COP1: variants seen among roughly 807,000 people sequenced by gnomAD.
COP1 encodes the protein COP1 E3 ubiquitin ligase.
In COP1, 24 loss-of-function variants were observed where a neutral mutation model predicts 101.3. The observed-to-expected ratio is 0.24, with a 90% CI of 0.17 to 0.33. The LOEUF (loss-of-function observed/expected upper bound fraction) is 0.33. Ranked by LOEUF, COP1 falls within the 10% of genes least tolerant of loss-of-function variation. The pLI is 1.00. For missense variants in COP1, 663 were observed against 906.2 expected, an observed-to-expected ratio of 0.73 and a Z score of 3.45; for synonymous variants, 347 against 341.9, an observed-to-expected ratio of 1.01 and a Z score of -0.17.
Position 176,043,260 on chromosome 1 carries a change from T to C in COP1, c.1538A>G (p.Glu513Gly). The change falls in exon 14 of 20, where the codon GAG (glutamate) becomes GGG (glycine). Residue 513 changes from glutamate to glycine, a missense_variant. Around this residue, in one of 4 missense-constraint regions of COP1, gnomAD observed 209 missense variants for 383.3 expected, o/e 0.55. Coordinates refer to ENST00000367669, the MANE Select transcript of COP1 (RefSeq NM_022457.7). The part of the protein sequence containing the change: ...GQRSKVYQEH[E>G]KRCWSVDFNL... ...AAAGTCAACACTCCAACACCTCTTC[T>C]CATGCTCCTGGAAGCAGAAAGAAGA... 1 of 1,608,380 alleles carries C rather than the reference T, an allele frequency of 6.2e-7. No homozygotes were observed.
intron 11 of COP1, among the ~76,000 whole-genome samples, chr1:176,056,308 T>G (rs1176876648): frequency 6.6e-6 from 1 of 152,206 alleles, no homozygotes; most frequent in African/African-American, 2.4e-5. Flanking sequence ...ATTATGTTAT[T>G]TAGGGCTTCT....
chr1:175,949,594 T>C (rs116194675), intron 18 of COP1, among the ~76,000 whole-genome samples: 71 of 152,270 alleles, frequency 4.7e-4, no homozygotes, highest in African/African-American at 1.7e-3. Flanking sequence ...AGAAAAGCAG[T>C]TGAAAATCTC....
At chr1:176,171,506 C>T (rs1016928347) in intron 3 of COP1, among the ~76,000 whole-genome samples, 5 of 152,302 alleles carry the variant, frequency 3.3e-5, no homozygotes, top group Admixed American at 6.5e-5. Flanking sequence ...TCTTATCATT[C>T]GTGTCTTCAC....
chr1:176,043,369 G>A (rs1334263800), intron 13 of COP1, 102 bp from the exon 14 acceptor site: 3 of 696,016 alleles, frequency 4.3e-6, no homozygotes, highest in Non-Finnish European at 7.3e-6. Flanking sequence ...GTTACGGGGA[G>A]AGGGAAAGAC....
intron 11 of COP1, among the ~76,000 whole-genome samples, chr1:176,065,086 CTAATA>C (rs1675681767): frequency 1.3e-5 from 2 of 152,156 alleles, no homozygotes; most frequent in Non-Finnish European, 2.9e-5. Context: ...ACCCAATAAA[CTAATA>C]TGAGTTTTAG....
chr1:176,054,798 T>C (rs979975757), intron 11 of COP1, among the ~76,000 whole-genome samples: 1 of 152,154 alleles, frequency 6.6e-6, no homozygotes, highest in Non-Finnish European at 1.5e-5. Flanking sequence ...CAAAACAAAA[T>C]ACCTCTTATA....
intron 2 of COP1, among the ~76,000 whole-genome samples, chr1:176,183,373 A>G (rs1254290176): frequency 6.6e-6 from 1 of 152,192 alleles, no homozygotes; most frequent in Non-Finnish European, 1.5e-5. Flanking sequence ...GAATAGGTTT[A>G]AAAATAAGCA....
chr1:175,968,146 A>G (rs536978692), intron 18 of COP1, among the ~76,000 whole-genome samples: 86 of 152,356 alleles, frequency 5.6e-4, no homozygotes, highest in African/African-American at 1.9e-3. Flanking sequence ...CTGGGATTAC[A>G]GGTGTGAGCC....
intron 14 of COP1, among the ~76,000 whole-genome samples, chr1:176,036,039 CAAACAGAATTTT>C (rs1196475174): frequency 6.6e-6 from 1 of 151,806 alleles, no homozygotes; most frequent in African/African-American, 2.4e-5. Flanking sequence ...CAAGAGAAAT[CAAACAGAATTTT>C]AAACAGAATG....
In COP1 at chr1:176,054,829, A is replaced by G. The variant is rs147817274; in HGVS notation, c.1278-8505T>C. ...TTATATTCCTATATCTATTTTAGCT[A>G]CTATCCTATTGCTTTCCTAATACCA... On this transcript the variant is annotated intron_variant, in intron 11 of 19. Transcript: ENST00000367669. Among the ~76,000 whole-genome samples the G allele has an allele frequency of 2.6e-3, 398 of 152,276 alleles. 3 individuals carry two copies. The highest frequency in any genetic ancestry group is 9.1e-3 in the African/African-American group (380 of 41,546).
intron 1 of COP1, among the ~76,000 whole-genome samples, chr1:176,200,180 C>T (rs978293431): frequency 6.6e-6 from 1 of 152,092 alleles, no homozygotes; most frequent in Non-Finnish European, 1.5e-5. Context: ...GAAGATTAAA[C>T]AAGTAACGTA....
intron 9 of COP1, among the ~76,000 whole-genome samples, chr1:176,096,838 T>A (rs1373986627): frequency 6.6e-6 from 1 of 152,236 alleles, no homozygotes; most frequent in Non-Finnish European, 1.5e-5. Context: ...CAAACTTTGC[T>A]GCAGGCCTCC....
At chr1:176,119,979 G>C (rs1300787712) in intron 8 of COP1, among the ~76,000 whole-genome samples, 2 of 152,064 alleles carry the variant, frequency 1.3e-5, no homozygotes, top group South Asian at 2.1e-4. Context: ...AAGTCCCAGA[G>C]TCCACAAGAA....
intron 3 of COP1, among the ~76,000 whole-genome samples, chr1:176,165,883 G>C (rs569271880): frequency 4.6e-5 from 7 of 152,076 alleles, no homozygotes; most frequent in African/African-American, 1.4e-4. Context: ...AAAGGAGAGA[G>C]CATGAAATAA....
chr1:176,187,642 G>C (rs1698638166), intron 1 of COP1, among the ~76,000 whole-genome samples: 1 of 152,114 alleles, frequency 6.6e-6, no homozygotes, highest in Non-Finnish European at 1.5e-5. Flanking sequence ...TTGTGACTTT[G>C]AGCAAGTAGT....
intron 9 of COP1, among the ~76,000 whole-genome samples, chr1:176,093,325 A>T (rs893330622): frequency 6.6e-6 from 1 of 152,220 alleles, no homozygotes; most frequent in Non-Finnish European, 1.5e-5. Flanking sequence ...TCTAATTTAC[A>T]TATTAATGAA....
In COP1 at chr1:175,944,977, T is replaced by C. The variant is rs553133196; in HGVS notation, c.*176A>G. 14 of 588,888 alleles carry C rather than the reference T, an allele frequency of 2.4e-5. No homozygotes were observed. The highest frequency in any genetic ancestry group is 1.0e-4 in the African/African-American group (5 of 50,184). The allele number at this position is 588,888 out of a possible 1,614,324, so 36.5% of individuals were successfully genotyped here. ...TGGAGAGTTGGCTGGGTATTCCCAA[T>C]GTCCCAAAGGTCATAAAGGAGGGAA... On this transcript the variant is annotated 3_prime_UTR_variant, in exon 20 of 20. Coordinates refer to ENST00000367669, the MANE Select transcript of COP1 (RefSeq NM_022457.7).
chr1:175,990,904 T>A (rs899969278), intron 15 of COP1, among the ~76,000 whole-genome samples: 5 of 148,128 alleles, frequency 3.4e-5, no homozygotes, highest in African/African-American at 1.2e-4. Flanking sequence ...AGCTGGATTC[T>A]AATTTTTTTT....
At chr1:176,076,791 A>G (rs1442826808) in intron 11 of COP1, among the ~76,000 whole-genome samples, 1 of 152,178 alleles carries the variant, frequency 6.6e-6, no homozygotes, top group African/African-American at 2.4e-5. Context: ...AGATGACGTT[A>G]CAACCAATAC....
Sources: allele counts gnomAD v4.1 joint callset (sites outside exome capture counted in the v4.1 genomes callset), GRCh38; gene constraint gnomAD v4.1.1; regional missense constraint gnomAD v4.1.1; transcripts MANE v1.5; gene names NCBI Gene and HGNC (gene_info 2026-07-23, HGNC 2026-07-21).